The following LRRC4C variants were observed in gnomAD, a reference collection of about 807,000 sequenced individuals.
LRRC4C encodes the protein leucine rich repeat containing 4C.
Under a neutral mutation model 33.6 loss-of-function variants are expected in LRRC4C, and 5 were observed. The ratio of observed to expected loss-of-function variants is 0.15; its 90% confidence interval spans 0.08 to 0.31. LRRC4C has a LOEUF of 0.31. LRRC4C is among the 10% of genes least tolerant of loss of function. LRRC4C has a pLI of 1.00. For missense variants in LRRC4C, 560 were observed against 796.7 expected (o/e 0.70, Z 3.58); for synonymous variants, 329 against 302.0 (o/e 1.09, Z -0.93).
intron 5 of LRRC4C, among the ~76,000 whole-genome samples, chr11:40,142,088 G>A (rs1857406351): frequency 6.6e-6 from 1 of 151,802 alleles, no homozygotes; most frequent in Non-Finnish European, 1.5e-5. Context: ...TTCAAGACCA[G>A]CCTGGCAAAC....
chr11:40,545,553 A>G (rs556464126), intron 3 of LRRC4C, among the ~76,000 whole-genome samples: 1 of 152,140 alleles, frequency 6.6e-6, no homozygotes, highest in East Asian at 1.9e-4. Flanking sequence ...TTCAGGCAAG[A>G]TGTAAGTATA....
intron 3 of LRRC4C, among the ~76,000 whole-genome samples, chr11:40,390,823 GA>G (rs1436421939): frequency 6.6e-6 from 1 of 151,996 alleles, no homozygotes; most frequent in Non-Finnish European, 1.5e-5. Flanking sequence ...TGAAAACTCA[GA>G]CCTCCTTCAT....
chr11:40,558,391 T>A (rs1387634120), intron 3 of LRRC4C, among the ~76,000 whole-genome samples: 1 of 152,228 alleles, frequency 6.6e-6, no homozygotes, highest in Non-Finnish European at 1.5e-5. Flanking sequence ...TTAGACTTTA[T>A]CTTGTTTTCT....
intron 4 of LRRC4C, among the ~76,000 whole-genome samples, chr11:40,274,424 T>TAAACACACACACACAC: frequency 1.4e-5 from 2 of 139,062 alleles, no homozygotes; most frequent in East Asian, 2.3e-4. Context: ...GACACACACA[T>TAAACACACACACACAC]ACACACACAC....
intron 3 of LRRC4C, among the ~76,000 whole-genome samples, chr11:40,591,033 T>C (rs1314961220): frequency 6.6e-6 from 1 of 152,140 alleles, no homozygotes; most frequent in African/African-American, 2.4e-5. Context: ...GCTGCTTTGT[T>C]TACCTAAGCA....
At chr11:40,445,770 A>C (rs2138018653) in intron 3 of LRRC4C, 1 of 152,282 alleles carries the variant, frequency 6.6e-6, no homozygotes, top group African/African-American at 2.4e-5. Flanking sequence ...CCCTGTGTTA[A>C]TGAGTGGATG....
At chr11:40,408,323 C>A (rs951865336) in intron 3 of LRRC4C, among the ~76,000 whole-genome samples, 10 of 151,940 alleles carry the variant, frequency 6.6e-5, no homozygotes, top group African/African-American at 2.4e-4. Flanking sequence ...TTAAATTGCA[C>A]TCGTAGCATT....
At chr11:40,813,473 A>G (rs1244047991) in intron 2 of LRRC4C, among the ~76,000 whole-genome samples, 5 of 152,136 alleles carry the variant, frequency 3.3e-5, no homozygotes, top group Admixed American at 6.6e-5. Flanking sequence ...TCAATTATCT[A>G]TACCTGGCTC....
At chr11:40,434,678 G>A (rs957702181) in intron 3 of LRRC4C, among the ~76,000 whole-genome samples, 1 of 152,186 alleles carries the variant, frequency 6.6e-6, no homozygotes, top group Non-Finnish European at 1.5e-5. Flanking sequence ...TCCATGCACA[G>A]TTGTTCTTCA....
At chr11:40,510,123 G>A (rs72899060) in intron 3 of LRRC4C, among the ~76,000 whole-genome samples, 9,772 of 151,282 alleles carry the variant, frequency 0.065, 832 homozygotes, top group African/African-American at 0.2. Context: ...ACAAAAGCTC[G>A]AAATAAGTGT....
chr11:40,686,046 A>G (rs759901373), intron 2 of LRRC4C, among the ~76,000 whole-genome samples: 8 of 151,966 alleles, frequency 5.3e-5, no homozygotes, highest in Non-Finnish European at 1.0e-4. Context: ...GCCCCACAGC[A>G]CTTTTTTCAA....
At chr11:41,015,706 A>G (rs1385608133) in intron 1 of LRRC4C, among the ~76,000 whole-genome samples, 1 of 152,224 alleles carries the variant, frequency 6.6e-6, no homozygotes, top group African/African-American at 2.4e-5. Context: ...TTTGGAAAAA[A>G]ATATCAAATG....
At chr11:40,988,533 C>T (rs907477207) in intron 1 of LRRC4C, among the ~76,000 whole-genome samples, 1 of 151,872 alleles carries the variant, frequency 6.6e-6, no homozygotes, top group Non-Finnish European at 1.5e-5. Context: ...TGCTAATATG[C>T]ATGGGTATGA....
At chr11:41,452,012 T>TTA (rs1956042551) in intron 1 of LRRC4C, among the ~76,000 whole-genome samples, 4 of 152,162 alleles carry the variant, frequency 2.6e-5, no homozygotes, top group Admixed American at 2.6e-4. Context: ...GGAAAGAGTA[T>TTA]GCCTTTATTA....
chr11:40,943,944 G>T (rs919724390), intron 1 of LRRC4C, among the ~76,000 whole-genome samples: 1 of 152,030 alleles, frequency 6.6e-6, no homozygotes, highest in Non-Finnish European at 1.5e-5. Flanking sequence ...CCATGTTCTG[G>T]CCCATTTCTC....
chr11:41,166,019 G>A (rs1277013123), intron 1 of LRRC4C, among the ~76,000 whole-genome samples: 4 of 143,738 alleles, frequency 2.8e-5, no homozygotes, highest in Non-Finnish European at 4.5e-5. Context: ...CAACAAGAGC[G>A]AAATTCTGTC....
At chr11:40,517,436 C>T (rs549599853) in intron 3 of LRRC4C, among the ~76,000 whole-genome samples, 6 of 152,252 alleles carry the variant, frequency 3.9e-5, no homozygotes, top group African/African-American at 1.4e-4. Flanking sequence ...ATTAAGAGGA[C>T]AGCGGAAATT....
At chr11:41,185,062 C>T (rs1167271904) in intron 1 of LRRC4C, among the ~76,000 whole-genome samples, 2 of 152,056 alleles carry the variant, frequency 1.3e-5, no homozygotes, top group African/African-American at 4.8e-5. Context: ...CAATTATCTC[C>T]CACTGGGTCC....
intron 5 of LRRC4C, among the ~76,000 whole-genome samples, chr11:40,151,553 G>A (rs893704849): frequency 2.6e-5 from 4 of 152,246 alleles, no homozygotes; most frequent in East Asian, 1.9e-4. Context: ...TCCCTTGCTA[G>A]TACGAAATTC....
Sources: gnomAD v4.1 joint callset for allele counts (sites outside exome capture counted in the v4.1 genomes callset) on GRCh38, gnomAD v4.1.1 for gene constraint, MANE v1.5 for transcripts, NCBI Gene and HGNC (gene_info 2026-07-23, HGNC 2026-07-21) for gene names.